Variants in TPRG1 observed in about 807,000 individuals in gnomAD.
The protein encoded by TPRG1 is tumor protein p63-regulated gene 1 protein.
In TPRG1, 29 loss-of-function variants were observed where a neutral mutation model predicts 29.3. That is an observed-to-expected ratio of 0.99 (90% CI 0.74 to 1.35). TPRG1 has a LOEUF of 1.35. TPRG1 is among the 40% of genes most tolerant of loss of function. TPRG1 has a pLI of 0.00. For missense variants in TPRG1, 327 were observed against 335.0 expected, an observed-to-expected ratio of 0.98 and a Z score of 0.19; for synonymous variants, 130 against 116.8, an observed-to-expected ratio of 1.11 and a Z score of -0.73.
At chr3:189,310,941 G>A (rs1413603747) in intron 5 of TPRG1, among the ~76,000 whole-genome samples, 1 of 152,048 alleles carries the variant, frequency 6.6e-6, no homozygotes, top group Non-Finnish European at 1.5e-5. Context: ...TCTGAGACTT[G>A]GTAGTCTCAC....
chr3:189,215,656 T>A (rs1428980799), intron 3 of TPRG1, among the ~76,000 whole-genome samples: 2 of 152,144 alleles, frequency 1.3e-5, no homozygotes, highest in East Asian at 3.8e-4. Flanking sequence ...TCAAAGACTG[T>A]TATATTGGCT....
chr3:189,090,508 A>T (rs796688698), intron 4 of TPRG1, among the ~76,000 whole-genome samples: 23 of 152,162 alleles, frequency 1.5e-4, no homozygotes, highest in African/African-American at 5.5e-4. Context: ...ATATATTAAG[A>T]TATTTCATTG....
intron 3 of TPRG1, among the ~76,000 whole-genome samples, chr3:189,221,528 G>A (rs1736934609): frequency 6.6e-6 from 1 of 152,192 alleles, no homozygotes; most frequent in South Asian, 2.1e-4. Context: ...GAAAAACAGA[G>A]AAATGCTGTC....
intron 4 of TPRG1, among the ~76,000 whole-genome samples, chr3:189,255,073 G>T (rs908784687): frequency 3.3e-5 from 5 of 152,130 alleles, no homozygotes; most frequent in African/African-American, 2.4e-5. Flanking sequence ...AATAGGAGTG[G>T]TGAGAGAGGG....
chr3:189,087,536 T>C (rs965219173), intron 4 of TPRG1, among the ~76,000 whole-genome samples: 1 of 152,232 alleles, frequency 6.6e-6, no homozygotes, highest in African/African-American at 2.4e-5. Flanking sequence ...CAATTTTAGC[T>C]TTTGTTGCCA....
intron 4 of TPRG1, among the ~76,000 whole-genome samples, chr3:189,278,644 A>G (rs1206758964): frequency 1.3e-5 from 2 of 152,222 alleles, no homozygotes; most frequent in African/African-American, 2.4e-5. Flanking sequence ...AAGATCTAAC[A>G]TAGCCTCAGT....
chr3:189,188,648 T>C (rs906004874), intron 1 of TPRG1, among the ~76,000 whole-genome samples: 2 of 152,246 alleles, frequency 1.3e-5, no homozygotes, highest in Non-Finnish European at 2.9e-5. Context: ...GGAAGTGTAC[T>C]GGGCTTATCT....
intron 4 of TPRG1, among the ~76,000 whole-genome samples, chr3:189,074,395 T>C (rs764674825): frequency 1.6e-4 from 24 of 151,222 alleles, no homozygotes; most frequent in Non-Finnish European, 2.2e-4. Context: ...TTAGTAGAGA[T>C]GGGGTTTCAC....
intron 1 of TPRG1, among the ~76,000 whole-genome samples, chr3:189,177,427 T>C (rs1000842735): frequency 6.6e-6 from 1 of 151,536 alleles, no homozygotes; most frequent in Non-Finnish European, 1.5e-5. Context: ...TGTCTATACA[T>C]ATATATGTAT....
intron 3 of TPRG1, among the ~76,000 whole-genome samples, chr3:189,230,506 T>C (rs1263472403): frequency 6.6e-6 from 1 of 152,240 alleles, no homozygotes; most frequent in East Asian, 1.9e-4. Context: ...CTCTTTGCTC[T>C]CTTGCTTCAG....
At chr3:189,021,696 G>A (rs988410846) in intron 3 of TPRG1, among the ~76,000 whole-genome samples, 1 of 152,090 alleles carries the variant, frequency 6.6e-6, no homozygotes, top group African/African-American at 2.4e-5. Context: ...TGGTGAATCT[G>A]ACAATTATGT....
At chr3:189,115,067 A>T (rs556219975) in intron 1 of TPRG1, among the ~76,000 whole-genome samples, 44 of 152,362 alleles carry the variant, frequency 2.9e-4, no homozygotes, top group Admixed American at 7.8e-4. Context: ...CCCAGGACAC[A>T]CAAGTTCTCT....
upstream of TPRG1, among the ~76,000 whole-genome samples, chr3:189,097,832 T>C (rs556120829): frequency 6.6e-6 from 1 of 152,318 alleles, no homozygotes; most frequent in East Asian, 1.9e-4. Flanking sequence ...GTGTCTTCTC[T>C]GAAAGGATCT....
intron 4 of TPRG1, among the ~76,000 whole-genome samples, chr3:189,268,255 G>A (rs1460634050): frequency 6.6e-6 from 1 of 152,112 alleles, no homozygotes; most frequent in Non-Finnish European, 1.5e-5. Flanking sequence ...ATTTTTGGGT[G>A]CGGTGCTGTC....
chr3:188,997,291 T>G (rs923364313), intron 1 of TPRG1, among the ~76,000 whole-genome samples: 7 of 152,172 alleles, frequency 4.6e-5, no homozygotes, highest in African/African-American at 1.2e-4. Context: ...TAGAATAATT[T>G]CTAAGCTGAG....
chr3:189,085,955 T>C (rs1395101717), intron 4 of TPRG1, among the ~76,000 whole-genome samples: 1 of 152,110 alleles, frequency 6.6e-6, no homozygotes, highest in Non-Finnish European at 1.5e-5. Flanking sequence ...GATGTATATA[T>C]GAAAGGGAAT....
At chr3:189,297,872 C>T (rs1403394164) in intron 4 of TPRG1, among the ~76,000 whole-genome samples, 2 of 152,080 alleles carry the variant, frequency 1.3e-5, no homozygotes, top group African/African-American at 2.4e-5. Flanking sequence ...GCTGGTTGTT[C>T]TCATTCATGT....
At chr3:189,041,002 T>G (rs545945755) in intron 4 of TPRG1, among the ~76,000 whole-genome samples, 27 of 152,290 alleles carry the variant, frequency 1.8e-4, no homozygotes, top group African/African-American at 6.3e-4. Context: ...CCTGACTGTT[T>G]CCATTTTAGG....
Position 189,045,399 on chromosome 3 carries a change from T to G in TPRG1, c.-463+21453T>G, listed in dbSNP as rs375474006. Among the ~76,000 whole-genome samples the G allele has an allele frequency of 2.7e-3, 416 of 152,372 alleles. 2 individuals are homozygous for G. The highest frequency in any genetic ancestry group is 9.1e-3 in the South Asian group (44 of 4,832). The stretch of plus-strand genomic sequence containing the variant: ...CGTCAAGTCTCAAATTATATATTTC[T>G]AAATAATAAGATCAGGATTTATACA... On this transcript the variant is annotated intron_variant, in intron 4 of 10. Coordinates refer to the TPRG1 transcript ENST00000433971.
Sources: allele counts gnomAD v4.1 joint callset (sites outside exome capture counted in the v4.1 genomes callset), GRCh38; gene constraint gnomAD v4.1.1; transcripts MANE v1.5; gene names NCBI Gene and HGNC (gene_info 2026-07-23, HGNC 2026-07-21).